RCAN1: variants seen among roughly 807,000 people sequenced by gnomAD.
RCAN1 encodes the protein calcipressin-1.
Under a neutral mutation model 22.9 loss-of-function variants are expected in RCAN1, and 11 were observed. The ratio of observed to expected loss-of-function variants is 0.48; its 90% CI spans 0.30 to 0.79. The LOEUF (loss-of-function observed/expected upper bound fraction) is 0.79. RCAN1 is among the 30% of genes least tolerant of loss of function. The pLI is 0.06. For missense variants in RCAN1, 291 were observed against 337.8 expected (o/e 0.86, Z 1.09); for synonymous variants, 136 against 142.3 (o/e 0.96, Z 0.32).
At chr21:34,560,955 T>C (rs1051101906) in intron 1 of RCAN1, among the ~76,000 whole-genome samples, 3 of 152,178 alleles carry the variant, frequency 2.0e-5, no homozygotes, top group Admixed American at 6.5e-5. Flanking sequence ...AATCCCCACA[T>C]GTCAAGGGTG....
At chr21:34,544,711 T>C (rs910295709) in intron 1 of RCAN1, among the ~76,000 whole-genome samples, 2 of 152,206 alleles carry the variant, frequency 1.3e-5, no homozygotes, top group African/African-American at 4.8e-5. Context: ...CTGAATCTCT[T>C]CCTTGTCAGA....
intron 1 of RCAN1, among the ~76,000 whole-genome samples, chr21:34,536,587 G>A (rs532804326): frequency 3.3e-5 from 5 of 152,240 alleles, no homozygotes; most frequent in East Asian, 1.9e-4. Flanking sequence ...TTTTCCTTCC[G>A]CTGCAGCATT....
chr21:34,536,807 T>C (rs1042076302), intron 1 of RCAN1, among the ~76,000 whole-genome samples: 6 of 152,188 alleles, frequency 3.9e-5, no homozygotes, highest in Admixed American at 2.6e-4. Flanking sequence ...CTGAATGGCT[T>C]CGCTAAAGAT....
At chr21:34,605,236 C>T (rs114154886) in intron 1 of RCAN1, among the ~76,000 whole-genome samples, 1,877 of 152,330 alleles carry the variant, frequency 0.012, 28 homozygotes, top group African/African-American at 0.037. Flanking sequence ...GGCTTAGCCT[C>T]TCAGCCTCCA....
chr21:34,614,967 C>T lies in RCAN1; in HGVS notation c.45G>A (p.Glu15=). The part of the protein sequence containing the change: ...VAGPQLGAAA[E]AAEAAEARAR... Reference sequence around the variant, plus strand: ...CTCGCGCCTCGGCCGCCTCCGCCGCCTCCGCCGCGGCCCCGAGCTGGGGAC... The same window carrying T: ...CTCGCGCCTCGGCCGCCTCCGCCGCTTCCGCCGCGGCCCCGAGCTGGGGAC... The change falls in exon 1 of 4, where the codon GAG becomes GAA. Residue 15 remains glutamate (E), a synonymous_variant. Transcript: ENST00000313806. This position sits in a 1 kb window ranked among gnomAD's most constrained non-coding sequence, Gnocchi z 6.0. 8.8e-7 allele frequency: 1 copy of T among 1,134,718 alleles called. No individual in the cohort carries two copies. Among genetic ancestry groups the T allele is most frequent in the Non-Finnish European group, 1.1e-6 (1 of 928,022 alleles). 70.3% of individuals were successfully genotyped at this position (1,134,718 alleles called of 1,614,324 possible).
At chr21:34,525,067 C>T (rs759894690) in intron 1 of RCAN1, 11 of 1,550,144 alleles carry the variant, frequency 7.1e-6, no homozygotes, top group East Asian at 4.9e-5. Context: ...GTAGGCAGCG[C>T]GGACAGAGCT....
At chr21:34,531,213 C>T (rs562935142) in intron 1 of RCAN1, among the ~76,000 whole-genome samples, 5 of 152,282 alleles carry the variant, frequency 3.3e-5, no homozygotes, top group South Asian at 4.1e-4. Flanking sequence ...TTTCTATTTC[C>T]GATTTCATCG....
intron 1 of RCAN1, among the ~76,000 whole-genome samples, chr21:34,583,102 C>T (rs1165183200): frequency 6.6e-6 from 1 of 151,848 alleles, no homozygotes; most frequent in African/African-American, 2.4e-5. Context: ...TCATGTCCTT[C>T]ACTCCCCACA....
chr21:34,576,370 C>T (rs564562019), intron 1 of RCAN1, among the ~76,000 whole-genome samples: 39 of 152,296 alleles, frequency 2.6e-4, no homozygotes, highest in African/African-American at 7.0e-4. Context: ...GCCCCTCCAA[C>T]GGCAGGGATC....
chr21:34,521,109 AT>A, intron 3 of RCAN1: 1 of 1,267,086 alleles, frequency 7.9e-7, no homozygotes, highest in Non-Finnish European at 9.9e-7. Context: ...TAAAAATAAC[AT>A]TTCTTAAAGG....
intron 1 of RCAN1, among the ~76,000 whole-genome samples, chr21:34,538,573 G>A (rs764962321): frequency 6.6e-5 from 10 of 152,186 alleles, no homozygotes; most frequent in Non-Finnish European, 1.0e-4. Context: ...GAGGTTATTA[G>A]GACGAGTGGT....
intron 1 of RCAN1, among the ~76,000 whole-genome samples, chr21:34,589,244 CA>C (rs760572870): frequency 2.6e-5 from 4 of 151,660 alleles, no homozygotes; most frequent in Non-Finnish European, 5.9e-5. Flanking sequence ...TTGGATCATA[CA>C]AAGGATCAAG....
intron 1 of RCAN1, among the ~76,000 whole-genome samples, chr21:34,563,792 T>G (rs34601378): frequency 0.13 from 9,453 of 73,188 alleles, 528 homozygotes; most frequent in Non-Finnish European, 0.16. Context: ...TATATATATA[T>G]ATAGAGAGAG....
chr21:34,531,192 C>A (rs778087230), intron 1 of RCAN1, among the ~76,000 whole-genome samples: 1 of 152,230 alleles, frequency 6.6e-6, no homozygotes, highest in African/African-American at 2.4e-5. Context: ...GGCTAAAGCA[C>A]ATCAGTTGCC....
chr21:34,553,356 TA>T (rs756723134), intron 1 of RCAN1, among the ~76,000 whole-genome samples: 9 of 150,680 alleles, frequency 6.0e-5, no homozygotes, highest in East Asian at 2.0e-4. Flanking sequence ...ATTATAATAA[TA>T]AAAAAAAAGA....
At chr21:34,549,159 T>G (rs1425109883) in intron 1 of RCAN1, among the ~76,000 whole-genome samples, 1 of 152,088 alleles carries the variant, frequency 6.6e-6, no homozygotes, top group African/African-American at 2.4e-5. Context: ...GGCCAGGGAC[T>G]AAGGCGCCAT....
chr21:34,555,032 AG>A (rs1986506080), intron 1 of RCAN1, among the ~76,000 whole-genome samples: 1 of 152,248 alleles, frequency 6.6e-6, no homozygotes, highest in Non-Finnish European at 1.5e-5. Flanking sequence ...AGATTTGAGT[AG>A]GGACTCAGAG....
intron 1 of RCAN1, among the ~76,000 whole-genome samples, chr21:34,598,702 T>TA (rs1988238742): frequency 6.6e-6 from 1 of 151,972 alleles, no homozygotes; most frequent in African/African-American, 2.4e-5. Context: ...TTCTATGGAG[T>TA]AAAAACACCA....
chr21:34,563,794 T>G (rs13046253), intron 1 of RCAN1, among the ~76,000 whole-genome samples: 14,835 of 48,254 alleles, frequency 0.31, 2,770 homozygotes, highest in Non-Finnish European at 0.37. Context: ...TATATATATA[T>G]AGAGAGAGAG....
Sources: allele counts gnomAD v4.1 joint callset (sites outside exome capture counted in the v4.1 genomes callset), GRCh38; gene constraint gnomAD v4.1.1; non-coding constraint Gnocchi (gnomAD v3.1); transcripts MANE v1.5; gene names NCBI Gene and HGNC (gene_info 2026-07-23, HGNC 2026-07-21).